The following FARP1 variants were observed in gnomAD, a reference collection of about 807,000 sequenced individuals.
The protein encoded by FARP1 is FERM, ARHGEF and pleckstrin domain-containing protein 1.
A neutral mutation model predicts 128.8 loss-of-function variants in FARP1; 52 were observed. The observed-to-expected ratio is 0.40, with a 90% CI of 0.32 to 0.51. The LOEUF is 0.51. Among genes scored for constraint, FARP1 ranks in the 20% least tolerant of loss-of-function variants. The pLI is 0.45. For missense variants in FARP1, 1,333 were observed against 1,367.9 expected (o/e 0.97, Z 0.40); for synonymous variants, 580 against 551.8 (o/e 1.05, Z -0.72).
In FARP1 at chr13:98,351,714, G is replaced by T. The variant is rs377103183; in HGVS notation, c.276+7848G>T. On this transcript the variant is annotated intron_variant, in intron 3 of 26. Coordinates refer to ENST00000319562, the MANE Select transcript of FARP1 (RefSeq NM_005766.4). ...AGGCCTCAGGAAGTTTTTACTCATG[G>T]CAGAAGGTGAAGTAGGAACAGGCGT... Among the ~76,000 whole-genome samples, 116 of 152,220 alleles carry T rather than the reference G, an allele frequency of 7.6e-4. 1 individual carries two copies. The highest frequency in any genetic ancestry group is 2.7e-3 in the African/African-American group (113 of 41,542).
rs146756433 is a variant in FARP1, at chr13:98,323,126, G to C, written c.172-20636G>C. Among the ~76,000 whole-genome samples the C allele has an allele frequency of 3.2e-4, 49 of 152,264 alleles. No individual in the cohort carries two copies. The East Asian group carries it at 8.7e-3, about 27-fold the overall frequency. Reference sequence around the variant, plus strand: ...TGGGGATATTTATCTCATGTTTAATGATCCGTGGTGAAAGGATTTGTTGCT... The same window carrying C: ...TGGGGATATTTATCTCATGTTTAATCATCCGTGGTGAAAGGATTTGTTGCT... On this transcript the variant is annotated intron_variant, in intron 2 of 26. Coordinates refer to ENST00000319562, the MANE Select transcript of FARP1 (RefSeq NM_005766.4).
intron 2 of FARP1, among the ~76,000 whole-genome samples, chr13:98,304,547 A>G (rs1426472878): frequency 6.6e-6 from 1 of 152,190 alleles, no homozygotes; most frequent in Admixed American, 6.5e-5. Flanking sequence ...AGAGCGGTAC[A>G]GGCCTGGAGC....
chr13:98,364,450 C>T (rs77934138), intron 3 of FARP1, among the ~76,000 whole-genome samples: 1 of 152,352 alleles, frequency 6.6e-6, no homozygotes, highest in East Asian at 1.9e-4. Context: ...TGAACGTCAA[C>T]AGTTTTCTGT....
At chr13:98,291,003 A>G (rs1885423332) in intron 2 of FARP1, among the ~76,000 whole-genome samples, 1 of 152,206 alleles carries the variant, frequency 6.6e-6, no homozygotes, top group Non-Finnish European at 1.5e-5. Flanking sequence ...TAAATATTAC[A>G]GTTGCCTAGT....
At chr13:98,161,298 C>G (rs749641542) in intron 1 of FARP1, among the ~76,000 whole-genome samples, 60 of 151,420 alleles carry the variant, frequency 4.0e-4, no homozygotes, top group Admixed American at 1.3e-4. Flanking sequence ...TCACTGCAAC[C>G]TCCATCTCCT....
chr13:98,280,276 C>T (rs1002951350), intron 2 of FARP1, among the ~76,000 whole-genome samples: 1 of 152,224 alleles, frequency 6.6e-6, no homozygotes, highest in South Asian at 2.1e-4. Context: ...TGCCCTCCCC[C>T]TCCACACCCA....
intron 6 of FARP1, among the ~76,000 whole-genome samples, chr13:98,379,882 T>C (rs1245587107): frequency 6.6e-6 from 1 of 152,160 alleles, no homozygotes; most frequent in Non-Finnish European, 1.5e-5. Context: ...AACCCACAGA[T>C]AGAGAGGGCC....
chr13:98,146,740 T>A (rs538238364), intron 1 of FARP1, among the ~76,000 whole-genome samples: 45 of 152,364 alleles, frequency 3.0e-4, no homozygotes, highest in African/African-American at 1.1e-3. Context: ...CTGTATTGGT[T>A]ACCGTTTGCC....
intron 2 of FARP1, among the ~76,000 whole-genome samples, chr13:98,313,663 C>G (rs938357434): frequency 6.6e-6 from 1 of 152,194 alleles, no homozygotes; most frequent in Non-Finnish European, 1.5e-5. Flanking sequence ...AGCTAAGGCT[C>G]CCCTCGCAGC....
At chr13:98,228,301 C>T (rs1023447474) in intron 2 of FARP1, among the ~76,000 whole-genome samples, 8 of 152,054 alleles carry the variant, frequency 5.3e-5, no homozygotes, top group South Asian at 2.1e-4. Context: ...CGGAGGCTGC[C>T]GTGAGCCAAG....
intron 2 of FARP1, among the ~76,000 whole-genome samples, chr13:98,278,338 TGA>T (rs1281211040): frequency 5.9e-5 from 9 of 152,046 alleles, no homozygotes; most frequent in African/African-American, 1.7e-4. Flanking sequence ...TATATGTGTG[TGA>T]GTGTGAATGC....
intron 2 of FARP1, among the ~76,000 whole-genome samples, chr13:98,315,959 C>T (rs949279312): frequency 6.6e-6 from 1 of 152,218 alleles, no homozygotes; most frequent in East Asian, 1.9e-4. Context: ...AGGCCTCTCC[C>T]TCCTATGGAC....
chr13:98,349,975 G>A (rs1204807442), intron 3 of FARP1, among the ~76,000 whole-genome samples: 1 of 152,114 alleles, frequency 6.6e-6, no homozygotes, highest in Non-Finnish European at 1.5e-5. Context: ...GTCTGCCCTC[G>A]CTTCTTCCTA....
intron 2 of FARP1, among the ~76,000 whole-genome samples, chr13:98,226,348 C>G (rs935707273): frequency 3.3e-5 from 5 of 152,148 alleles, no homozygotes; most frequent in African/African-American, 1.2e-4. Flanking sequence ...TGTATTTTCC[C>G]CTTTCGTAAG....
At chr13:98,249,822 T>C (rs1883238177) in intron 2 of FARP1, among the ~76,000 whole-genome samples, 1 of 152,170 alleles carries the variant, frequency 6.6e-6, no homozygotes, top group South Asian at 2.1e-4. Flanking sequence ...CGTGGTGGTA[T>C]TGACAACATG....
At chr13:98,315,678 T>G (rs1345192826) in intron 2 of FARP1, among the ~76,000 whole-genome samples, 2 of 152,110 alleles carry the variant, frequency 1.3e-5, no homozygotes, top group African/African-American at 4.8e-5. Context: ...TGCTCGCTCT[T>G]CCTTCCTTCG....
At chr13:98,277,310 G>A (rs1220440510) in intron 2 of FARP1, among the ~76,000 whole-genome samples, 1 of 152,040 alleles carries the variant, frequency 6.6e-6, no homozygotes, top group Non-Finnish European at 1.5e-5. Flanking sequence ...ACACCACCTT[G>A]CCTGGCTAAT....
At chr13:98,371,759 G>C (rs1282449857) in intron 5 of FARP1, among the ~76,000 whole-genome samples, 1 of 152,140 alleles carries the variant, frequency 6.6e-6, no homozygotes, top group Non-Finnish European at 1.5e-5. Context: ...TGTGCTTTGT[G>C]GGGAGGGACG....
At chr13:98,249,304 A>G (rs1883216236) in intron 2 of FARP1, among the ~76,000 whole-genome samples, 1 of 152,162 alleles carries the variant, frequency 6.6e-6, no homozygotes, top group Non-Finnish European at 1.5e-5. Flanking sequence ...TTGCCTTTGG[A>G]AATATTGCAA....
Sources: gnomAD v4.1 joint callset for allele counts (sites outside exome capture counted in the v4.1 genomes callset) on GRCh38, gnomAD v4.1.1 for gene constraint, MANE v1.5 for transcripts, NCBI Gene and HGNC (gene_info 2026-07-23, HGNC 2026-07-21) for gene names.